THRB: variants seen among roughly 807,000 people sequenced by gnomAD.
The protein encoded by THRB is thyroid hormone receptor beta.
A neutral mutation model predicts 47.8 loss-of-function variants in THRB; 12 were observed. That is an observed-to-expected ratio of 0.25 (90% CI 0.16 to 0.41). THRB has a LOEUF of 0.41. THRB is among the 10% of genes least tolerant of loss of function. The pLI, the probability that THRB is intolerant of heterozygous loss-of-function variation, is 1.00. For missense variants in THRB, 348 were observed against 589.2 expected, an observed-to-expected ratio of 0.59 and a Z score of 4.24; for synonymous variants, 218 against 212.2, an observed-to-expected ratio of 1.03 and a Z score of -0.24.
At chr3:24,326,756 CTTTTTTTTT>C (rs1174687260) in intron 2 of THRB, among the ~76,000 whole-genome samples, 12 of 50,028 alleles carry the variant, frequency 2.4e-4, no homozygotes, top group African/African-American at 1.0e-3. Context: ...CCAGTCTTGT[CTTTTTTTTT>C]TTTTTTTTTT....
intron 10 of THRB, among the ~76,000 whole-genome samples, chr3:24,124,980 C>T (rs1361478202): frequency 6.6e-6 from 1 of 152,166 alleles, no homozygotes; most frequent in Admixed American, 6.5e-5. Context: ...CAGTGTCAGC[C>T]TCACAACATG....
intron 5 of THRB, among the ~76,000 whole-genome samples, chr3:24,160,750 G>A (rs2038689576): frequency 6.6e-6 from 1 of 152,194 alleles, no homozygotes; most frequent in African/African-American, 2.4e-5. Context: ...ACTTCAGGCT[G>A]AATGCACTTG....
intron 5 of THRB, among the ~76,000 whole-genome samples, chr3:24,188,858 A>AATTATATATATATATATATATATATAT (rs369706128): frequency 9.5e-5 from 9 of 94,304 alleles, no homozygotes; most frequent in Non-Finnish European, 1.5e-4. Context: ...GATCTCCTCA[A>AATTATATATATATATATATATATATAT]ATATATATAT....
intron 5 of THRB, among the ~76,000 whole-genome samples, chr3:24,188,879 A>ATATG (rs2042971637): frequency 7.0e-6 from 1 of 142,700 alleles, no homozygotes; most frequent in Non-Finnish European, 1.5e-5. Context: ...ATATATATAT[A>ATATG]TATATGAGAG....
At chr3:24,348,054 G>C (rs2063133803) in intron 1 of THRB, among the ~76,000 whole-genome samples, 1 of 152,094 alleles carries the variant, frequency 6.6e-6, no homozygotes, top group African/African-American at 2.4e-5. Context: ...TTATCAACTA[G>C]TATTTTTTAT....
At position 24,162,965 on chromosome 3, in the gene THRB, A is replaced by G. The variant is rs11923482; in HGVS notation, c.284-10475T>C. Among the ~76,000 whole-genome samples the G allele has an allele frequency of 5.3e-3, 808 of 152,320 alleles. 6 individuals carry two copies. The highest frequency in any genetic ancestry group is 0.019 in the African/African-American group (774 of 41,580). On this transcript the variant is annotated intron_variant, in intron 5 of 10. Transcript: ENST00000646209. ...AGTTTATAAAGCTGTAATGACAGCC[A>G]TGAACACAGATGAAGCAATTATGAA...
intron 5 of THRB, among the ~76,000 whole-genome samples, chr3:24,158,971 A>G (rs1010618992): frequency 6.6e-6 from 1 of 152,156 alleles, no homozygotes; most frequent in Non-Finnish European, 1.5e-5. Context: ...AGGCAAAGTC[A>G]TCAGAAGATT....
At chr3:24,233,593 A>AAGAAAGAAAGAAAGAG (rs1182603781) in intron 3 of THRB, among the ~76,000 whole-genome samples, 12 of 148,086 alleles carry the variant, frequency 8.1e-5, no homozygotes. Context: ...GAAAGAAAGA[A>AAGAAAGAAAGAAAGAG]AGAAAGAAAG....
At chr3:24,403,537 C>T (rs1295720981) in intron 1 of THRB, among the ~76,000 whole-genome samples, 1 of 151,764 alleles carries the variant, frequency 6.6e-6, no homozygotes, top group African/African-American at 2.4e-5. Context: ...ACTGTGTTGA[C>T]ATTTGCACTG....
chr3:24,382,481 A>G (rs771379286), intron 1 of THRB, among the ~76,000 whole-genome samples: 1 of 152,132 alleles, frequency 6.6e-6, no homozygotes, highest in Non-Finnish European at 1.5e-5. Context: ...TATCGATGGA[A>G]TAGGAAACCA....
intron 3 of THRB, among the ~76,000 whole-genome samples, chr3:24,237,175 C>T (rs1019984718): frequency 2.0e-5 from 3 of 152,160 alleles, no homozygotes; most frequent in Non-Finnish European, 4.4e-5. Context: ...GAGTGGGTCA[C>T]CTCTTGGAGG....
At chr3:24,187,168 A>G (rs1039094478) in intron 5 of THRB, among the ~76,000 whole-genome samples, 1 of 152,174 alleles carries the variant, frequency 6.6e-6, no homozygotes, top group African/African-American at 2.4e-5. Flanking sequence ...AAGTTTGACA[A>G]TCCCCAACTA....
intron 1 of THRB, among the ~76,000 whole-genome samples, chr3:24,436,215 CCTTT>C (rs2070931825): frequency 6.6e-6 from 1 of 150,386 alleles, no homozygotes; most frequent in Non-Finnish European, 1.5e-5. Context: ...AGAGATACTG[CCTTT>C]CTAAGGAAAA....
In THRB at chr3:24,159,361, C is replaced by T. The variant is rs140141003; in HGVS notation, c.284-6871G>A. Among the ~76,000 whole-genome samples the T allele has an allele frequency of 2.5e-3, 383 of 152,212 alleles. 1 individual carries two copies. The highest frequency in any genetic ancestry group is 8.3e-3 in the African/African-American group (343 of 41,530). On this transcript the variant is annotated intron_variant, in intron 5 of 10. Coordinates refer to ENST00000646209, the MANE Select transcript of THRB (RefSeq NM_001354712.2). Reference sequence around the variant, plus strand: ...GCAAAATAAAAGAGATTGATGCTTTCGTAGTGCTTATGATCTAGATAGATT... The same window carrying T: ...GCAAAATAAAAGAGATTGATGCTTTTGTAGTGCTTATGATCTAGATAGATT...
intron 1 of THRB, among the ~76,000 whole-genome samples, chr3:24,483,237 G>C (rs867169322): frequency 6.6e-6 from 1 of 151,794 alleles, no homozygotes; most frequent in Non-Finnish European, 1.5e-5. Context: ...TTATAATTTG[G>C]GAAGAAAACA....
intron 3 of THRB, among the ~76,000 whole-genome samples, chr3:24,283,089 C>T (rs1576532083): frequency 6.6e-6 from 1 of 150,906 alleles, no homozygotes; most frequent in African/African-American, 2.4e-5. Context: ...TTTATGAGGC[C>T]AGCATCATCC....
intron 3 of THRB, among the ~76,000 whole-genome samples, chr3:24,262,996 T>C (rs1035110114): frequency 6.6e-6 from 1 of 152,224 alleles, no homozygotes; most frequent in Non-Finnish European, 1.5e-5. Context: ...AAACTGAACA[T>C]GTCTTCTAGA....
At chr3:24,276,605 G>A (rs905309142) in intron 3 of THRB, among the ~76,000 whole-genome samples, 6 of 152,254 alleles carry the variant, frequency 3.9e-5, no homozygotes, top group Non-Finnish European at 8.8e-5. Flanking sequence ...CATAGTGACT[G>A]TACAGACATG....
chr3:24,431,813 T>G lies in THRB; in HGVS notation c.-261+62839A>C, dbSNP rs181188795. Among the ~76,000 whole-genome samples, 23 of 152,040 alleles carry G rather than the reference T, an allele frequency of 1.5e-4. No individual in the cohort carries two copies. In the East Asian group the frequency reaches 4.5e-3, roughly 29 times the overall value. On this transcript the variant is annotated intron_variant, in intron 1 of 10. Transcript: ENST00000646209. The stretch of plus-strand genomic sequence containing the variant: ...CAGAGTATTATACAGCAGTGGAAAA[T>G]GGAAAAATTCTAGCTTTATATTCTG...
Sources: gnomAD v4.1 joint callset for allele counts (sites outside exome capture counted in the v4.1 genomes callset) on GRCh38, gnomAD v4.1.1 for gene constraint, MANE v1.5 for transcripts, NCBI Gene and HGNC (gene_info 2026-07-23, HGNC 2026-07-21) for gene names.